GREB1L: variants seen among roughly 807,000 people sequenced by gnomAD.
GREB1L encodes the protein GREB1-like protein.
Under a neutral mutation model 200.8 loss-of-function variants are expected in GREB1L, and 17 were observed. The observed-to-expected ratio is 0.08, with a 90% confidence interval of 0.06 to 0.13. The LOEUF is 0.13. Ranked by LOEUF, GREB1L falls within the 10% of genes least tolerant of loss-of-function variation. The pLI, the probability that GREB1L is intolerant of heterozygous loss-of-function variation, is 1.00. For missense variants in GREB1L, 1,657 were observed against 2,367.7 expected (o/e 0.70, Z 6.23); for synonymous variants, 789 against 893.0 (o/e 0.88, Z 2.08).
intron 7 of GREB1L, among the ~76,000 whole-genome samples, chr18:21,437,801 T>C (rs887398106): frequency 3.9e-5 from 6 of 152,190 alleles, no homozygotes; most frequent in Non-Finnish European, 5.9e-5. Flanking sequence ...GTGCATCTTT[T>C]TTGAGTTCCA....
chr18:21,252,299 T>C (rs1398805450), intron 1 of GREB1L, among the ~76,000 whole-genome samples: 1 of 152,210 alleles, frequency 6.6e-6, no homozygotes, highest in East Asian at 1.9e-4. Context: ...GGCTTATGCC[T>C]GTAATCCCAG....
intron 1 of GREB1L, among the ~76,000 whole-genome samples, chr18:21,315,916 G>A (rs1232914678): frequency 6.6e-6 from 1 of 152,074 alleles, no homozygotes; most frequent in Non-Finnish European, 1.5e-5. Context: ...CCCGCACATC[G>A]AAGTCCATCA....
chr18:21,249,219 G>C (rs906016267), intron 1 of GREB1L, among the ~76,000 whole-genome samples: 4 of 151,970 alleles, frequency 2.6e-5, no homozygotes, highest in Non-Finnish European at 5.9e-5. Context: ...AAACGCACAT[G>C]AGTATGACAG....
intron 15 of GREB1L, among the ~76,000 whole-genome samples, chr18:21,462,165 G>A (rs547510470): frequency 3.4e-4 from 52 of 152,340 alleles, no homozygotes; most frequent in African/African-American, 1.2e-3. Context: ...CACCATCAGT[G>A]CCGCAGGTGC....
chr18:21,287,555 T>C (rs576861859), intron 1 of GREB1L, among the ~76,000 whole-genome samples: 1 of 152,320 alleles, frequency 6.6e-6, no homozygotes, highest in African/African-American at 2.4e-5. Flanking sequence ...CCAATATTTT[T>C]GTTCCCTGTA....
intron 7 of GREB1L, among the ~76,000 whole-genome samples, chr18:21,422,206 C>T (rs576066496): frequency 2.4e-4 from 37 of 152,140 alleles, no homozygotes; most frequent in Non-Finnish European, 4.6e-4. Flanking sequence ...AGGTTCTGCA[C>T]GGTAGCCTCA....
intron 15 of GREB1L, among the ~76,000 whole-genome samples, chr18:21,458,446 C>G (rs1398450387): frequency 1.3e-5 from 2 of 152,156 alleles, no homozygotes; most frequent in Non-Finnish European, 2.9e-5. Flanking sequence ...GCCTCCTTTA[C>G]TAAAGAAAGC....
rs1488102084 is a variant in GREB1L, at chr18:21,403,969, A to G, written c.807A>G (p.Gly269=). The G allele has an allele frequency of 6.4e-7, 1 of 1,551,472 alleles. No homozygotes were observed. Among genetic ancestry groups the G allele is most frequent in the African/African-American group, 1.4e-5 (1 of 73,048 alleles). Residue 269 remains glycine, a synonymous_variant, in exon 7 of 33, where the codon GGA becomes GGG. Transcript: ENST00000424526. ...TVTPENGTTN[G]YKSGFTQTDA... ...CCCCAGAAAATGGGACAACTAATGGATACAAATCAGGATTCACTCAGACAG... is the reference window on the plus strand; with the variant it reads ...CCCCAGAAAATGGGACAACTAATGGGTACAAATCAGGATTCACTCAGACAG...
intron 1 of GREB1L, among the ~76,000 whole-genome samples, chr18:21,339,263 G>A (rs777937438): frequency 2.6e-5 from 4 of 152,010 alleles, no homozygotes; most frequent in Non-Finnish European, 5.9e-5. Flanking sequence ...GTATTTGATT[G>A]TATAGAATCA....
At chr18:21,395,730 T>C (rs2041028418) in intron 5 of GREB1L, among the ~76,000 whole-genome samples, 169 bp downstream of exon 5, 1 of 151,772 alleles carries the variant, frequency 6.6e-6, no homozygotes, top group Admixed American at 6.6e-5. Flanking sequence ...TTTTTTTTTT[T>C]TCTTTTTTTC....
chr18:21,336,927 C>T (rs1463902128), intron 1 of GREB1L, among the ~76,000 whole-genome samples: 4 of 152,188 alleles, frequency 2.6e-5, no homozygotes, highest in Non-Finnish European at 1.5e-5. Flanking sequence ...TCTGGTTTAT[C>T]CTTCTCTAGT....
intron 2 of GREB1L, among the ~76,000 whole-genome samples, chr18:21,381,694 CAAAT>C (rs2040321146): frequency 6.6e-6 from 1 of 152,084 alleles, no homozygotes; most frequent in African/African-American, 2.4e-5. Flanking sequence ...GTCAAAAAGA[CAAAT>C]AATATCCTAG....
intron 1 of GREB1L, among the ~76,000 whole-genome samples, chr18:21,245,770 T>G (rs1239211667): frequency 6.6e-6 from 1 of 152,132 alleles, no homozygotes; most frequent in African/African-American, 2.4e-5. Context: ...CAGGCTGGAG[T>G]GCAGTGGTGC....
At chr18:21,350,171 T>G (rs2039412245) in intron 1 of GREB1L, among the ~76,000 whole-genome samples, 1 of 152,144 alleles carries the variant, frequency 6.6e-6, no homozygotes, top group Admixed American at 6.6e-5. Flanking sequence ...CTCAGTAGTT[T>G]CTAGGTGAAT....
At chr18:21,320,098 T>C (rs1423161895) in intron 1 of GREB1L, among the ~76,000 whole-genome samples, 1 of 152,228 alleles carries the variant, frequency 6.6e-6, no homozygotes, top group Non-Finnish European at 1.5e-5. Context: ...GCTCAAAATA[T>C]GGTCCTAGTC....
chr18:21,312,099 C>T lies in GREB1L; in HGVS notation c.-119-53928C>T, dbSNP rs568578286. 6.6e-5 allele frequency among the ~76,000 whole-genome samples: 10 copies of T among 152,184 alleles called. No homozygotes were observed. In the East Asian group the frequency reaches 1.9e-3, roughly 29 times the overall value. ...ACGTGGTATTTGGTTTACTGCATTA[C>T]TCTGCTAAGGATGATGGCCTCCAGC... On this transcript the variant is annotated intron_variant, in intron 1 of 32. Coordinates refer to ENST00000424526, the MANE Select transcript of GREB1L (RefSeq NM_001142966.3).
chr18:21,389,333 GTTT>G (rs78492131), intron 4 of GREB1L, among the ~76,000 whole-genome samples: 6 of 95,630 alleles, frequency 6.3e-5, no homozygotes, highest in African/African-American at 2.0e-4. Flanking sequence ...TATGGGGTGG[GTTT>G]TTTTTTTTTT....
rs11664749 is a variant in GREB1L, at chr18:21,407,315, C to A, written c.832+3321C>A. ...GACATACACATAGATGATGTTTAAT[C>A]GGGACGAGAATTCAGGAATAGATGA... On this transcript the variant is annotated intron_variant, in intron 7 of 32. Transcript: ENST00000424526. 7.2e-3 allele frequency among the ~76,000 whole-genome samples: 1,101 copies of A among 152,146 alleles called. 4 individuals are homozygous for A. Among genetic ancestry groups the A allele is most frequent in the Non-Finnish European group, 0.012 (792 of 67,996 alleles).
intron 16 of GREB1L, among the ~76,000 whole-genome samples, chr18:21,476,955 G>GA (rs956608614): frequency 7.6e-6 from 1 of 130,746 alleles, no homozygotes; most frequent in Non-Finnish European, 1.5e-5. Flanking sequence ...AAGTGAAAAG[G>GA]AAAAAAAATA....
Sources: gnomAD v4.1 joint callset for allele counts (sites outside exome capture counted in the v4.1 genomes callset) on GRCh38, gnomAD v4.1.1 for gene constraint, MANE v1.5 for transcripts, NCBI Gene and HGNC (gene_info 2026-07-23, HGNC 2026-07-21) for gene names.